MAML3: variants seen among roughly 807,000 people sequenced by gnomAD.
MAML3 encodes the protein mastermind-like protein 3.
In MAML3, 27 loss-of-function variants were observed where a neutral mutation model predicts 101.9. The observed-to-expected ratio is 0.27, with a 90% CI of 0.20 to 0.37. The LOEUF (loss-of-function observed/expected upper bound fraction) is 0.37. Among genes scored for constraint, MAML3 ranks in the 10% least tolerant of loss-of-function variants. The pLI is 1.00. For synonymous variants in MAML3, 501 were observed against 555.9 expected, an observed-to-expected ratio of 0.90 and a Z score of 1.39; for missense variants, 1,316 against 1,444.9, an observed-to-expected ratio of 0.91 and a Z score of 1.45.
At position 139,785,763 on chromosome 4, in the gene MAML3, G is replaced by A. The variant is rs953877360; in HGVS notation, c.2080-55096C>T. Reference sequence around the variant, plus strand: ...GGAGCTATGCTGTGTTTTAAGAAGAGTCCTTGATTGGCAAGTGAGCAGGGG... The same window carrying A: ...GGAGCTATGCTGTGTTTTAAGAAGAATCCTTGATTGGCAAGTGAGCAGGGG... On this transcript the variant is annotated intron_variant, in intron 2 of 4. Coordinates refer to ENST00000509479, the MANE Select transcript of MAML3 (RefSeq NM_018717.5). The surrounding 1 kb of genome is among the most constrained non-coding windows in gnomAD (Gnocchi z 4.3). Among the ~76,000 whole-genome samples, 3 of 152,072 alleles carry A rather than the reference G, an allele frequency of 2.0e-5. No homozygotes were observed. Among genetic ancestry groups the A allele is most frequent in the African/African-American group, 7.2e-5 (3 of 41,386 alleles).
At chr4:140,105,718 A>T (rs1728339528) in intron 1 of MAML3, among the ~76,000 whole-genome samples, 1 of 152,146 alleles carries the variant, frequency 6.6e-6, no homozygotes, top group Non-Finnish European at 1.5e-5. Flanking sequence ...TGTGGGGGAC[A>T]TGGAGGAAAA....
At chr4:140,033,823 T>C (rs978091058) in intron 1 of MAML3, among the ~76,000 whole-genome samples, 6 of 152,224 alleles carry the variant, frequency 3.9e-5, no homozygotes, top group African/African-American at 1.4e-4. Flanking sequence ...GGGCACACAA[T>C]GGAATAATGT....
chr4:140,127,357 C>T (rs1056862269), intron 1 of MAML3, among the ~76,000 whole-genome samples: 13 of 152,302 alleles, frequency 8.5e-5, no homozygotes, highest in Admixed American at 2.6e-4. Context: ...GGCTCCTAAG[C>T]GGTGCCATGT....
chr4:139,930,832 C>G (rs915415910), intron 1 of MAML3, among the ~76,000 whole-genome samples: 8 of 152,034 alleles, frequency 5.3e-5, no homozygotes, highest in Non-Finnish European at 8.8e-5. Context: ...TCTTATGTTA[C>G]CAACTGATTT....
chr4:140,040,044 A>G (rs1345783967), intron 1 of MAML3, among the ~76,000 whole-genome samples: 2 of 152,210 alleles, frequency 1.3e-5, no homozygotes, highest in Non-Finnish European at 2.9e-5. Flanking sequence ...AATGCAGTCA[A>G]CAAGAGAGGG....
intron 1 of MAML3, among the ~76,000 whole-genome samples, chr4:140,068,330 A>G (rs147594914): frequency 6.6e-6 from 1 of 152,328 alleles, no homozygotes; most frequent in African/African-American, 2.4e-5. Context: ...TACACAGTAA[A>G]TGCTTTGGAA....
At chr4:139,828,007 T>C (rs1051134081) in intron 2 of MAML3, among the ~76,000 whole-genome samples, 28 of 152,394 alleles carry the variant, frequency 1.8e-4, no homozygotes, top group South Asian at 8.3e-4. Flanking sequence ...CTTCTGATTA[T>C]ATTCATAGTC....
intron 1 of MAML3, among the ~76,000 whole-genome samples, chr4:140,066,530 C>T (rs1727539823): frequency 1.3e-5 from 2 of 152,262 alleles, no homozygotes; most frequent in South Asian, 2.1e-4. Context: ...TCAGCTTGCC[C>T]AATTTGACAT....
At chr4:139,745,084 G>GACTT (rs747979409) in intron 2 of MAML3, among the ~76,000 whole-genome samples, 55 of 152,336 alleles carry the variant, frequency 3.6e-4, no homozygotes, top group Non-Finnish European at 6.5e-4. Flanking sequence ...GATTAGCAGG[G>GACTT]ACTTGACTGA....
chr4:139,951,590 C>T (rs1733832627), intron 1 of MAML3, among the ~76,000 whole-genome samples: 1 of 152,194 alleles, frequency 6.6e-6, no homozygotes, highest in Non-Finnish European at 1.5e-5. Flanking sequence ...TTCCCTCTAC[C>T]ACCTTAGGTC....
rs1386541524 is a variant in MAML3, at chr4:139,720,253, C to A, written c.2487G>T (p.Met829Ile). ...TTCCCATCATGCCTGCGTTCTGTGC[C>A]ATCAGCCGTGACGTTCGCATGCTCT... ...ALQSMRTSRL[M>I]AQNAGMMGIG... Residue 829 changes from methionine (M) to isoleucine (I), a missense_variant, in exon 5 of 5, where the codon ATG becomes ATT. Transcript: ENST00000509479. The A allele has an allele frequency of 1.2e-6, 2 of 1,600,328 alleles. No individual in the cohort carries two copies. Among genetic ancestry groups the A allele is most frequent in the South Asian group, 2.2e-5 (2 of 89,170 alleles).
chr4:139,808,858 T>A (rs149898399), intron 2 of MAML3, among the ~76,000 whole-genome samples: 25 of 152,296 alleles, frequency 1.6e-4, no homozygotes, highest in Non-Finnish European at 3.5e-4. Context: ...CAGCGATCCC[T>A]GAGACAAGGG....
In MAML3 at chr4:140,152,892, A is replaced by G; in HGVS notation, c.436T>C (p.Ser146Pro). 6.2e-7 allele frequency: 1 copy of G among 1,611,910 alleles called. No homozygotes were observed. The highest frequency in any genetic ancestry group is 1.3e-5 in the African/African-American group (1 of 74,814). The change falls in exon 1 of 5, where the codon TCG becomes CCG. Residue 146 changes from serine (S) to proline (P), a missense_variant. Ser to Pro is a moderately conservative substitution (Grantham distance 74). Coordinates refer to ENST00000509479, the MANE Select transcript of MAML3 (RefSeq NM_018717.5). ...AGCGTGTGGTTCCTCTGCTCCGCCGAGGCAGCCTCCGCATCTTGCTGGGGT... is the reference window on the plus strand; with the variant it reads ...AGCGTGTGGTTCCTCTGCTCCGCCGGGGCAGCCTCCGCATCTTGCTGGGGT... Reference protein sequence around the residue: ...SKPQQDAEAASAEQRNHTLIM... With the variant: ...SKPQQDAEAAPAEQRNHTLIM...
chr4:139,824,923 A>G (rs1384570953), intron 2 of MAML3, among the ~76,000 whole-genome samples: 1 of 151,894 alleles, frequency 6.6e-6, no homozygotes, highest in East Asian at 1.9e-4. Flanking sequence ...CAGAATAAGT[A>G]AAAAAGGACC....
intron 2 of MAML3, among the ~76,000 whole-genome samples, chr4:139,793,020 A>T (rs1289931734): frequency 6.6e-6 from 1 of 152,116 alleles, no homozygotes; most frequent in African/African-American, 2.4e-5. Context: ...TGCTGGGATT[A>T]CAGGCGTGAG....
chr4:139,817,292 T>G (rs1185200741), intron 2 of MAML3, among the ~76,000 whole-genome samples: 1 of 152,178 alleles, frequency 6.6e-6, no homozygotes, highest in South Asian at 2.1e-4. Context: ...CCATCTCCAT[T>G]TGTTGGCTCA....
chr4:139,826,916 G>A (rs1029873717), intron 2 of MAML3, among the ~76,000 whole-genome samples: 15 of 134,324 alleles, frequency 1.1e-4, no homozygotes, highest in African/African-American at 3.6e-4. Context: ...AACTAAACGC[G>A]CCACTGCAAA....
chr4:139,737,326 T>C (rs1240901967), intron 2 of MAML3, among the ~76,000 whole-genome samples: 1 of 151,934 alleles, frequency 6.6e-6, no homozygotes, highest in East Asian at 1.9e-4. Flanking sequence ...TTTTTTTTTT[T>C]AAGCCCAAAT....
rs1326064360 is a variant in MAML3, at chr4:139,944,285, C to T, written c.469-53318G>A. On this transcript the variant is annotated intron_variant, in intron 1 of 4. Transcript: ENST00000509479. ...TGCTGGTGCGCTGCACCCACTAACT[C>T]GTCATCTAGCATTAGGTATATCTCC... 6.6e-5 allele frequency among the ~76,000 whole-genome samples: 10 copies of T among 152,164 alleles called. No homozygotes were observed. In the East Asian group the frequency reaches 1.9e-3, roughly 29 times the overall value.
Sources: gnomAD v4.1 joint callset for allele counts (sites outside exome capture counted in the v4.1 genomes callset) on GRCh38, gnomAD v4.1.1 for gene constraint, Gnocchi (gnomAD v3.1) non-coding constraint, MANE v1.5 for transcripts, NCBI Gene and HGNC (gene_info 2026-07-23, HGNC 2026-07-21) for gene names.